COMMD10: variants seen among roughly 807,000 people sequenced by gnomAD.
COMMD10 encodes the protein COMM domain-containing protein 10.
In COMMD10, 33 loss-of-function variants were observed where a neutral mutation model predicts 28.9. That is an observed-to-expected ratio of 1.14 (90% CI 0.87 to 1.53). The LOEUF (loss-of-function observed/expected upper bound fraction) is 1.53, where lower values mean the gene tolerates loss of function less well. Ranked by LOEUF, COMMD10 falls within the 40% of genes most tolerant of loss-of-function variation. The pLI, the probability that COMMD10 is intolerant of heterozygous loss-of-function variation, is 0.00. For missense variants in COMMD10, 310 were observed against 233.4 expected (o/e 1.33, Z -2.14); for synonymous variants, 110 against 81.7 (o/e 1.35, Z -1.87).
chr5:116,268,090 T>A (rs1397947444), intron 5 of COMMD10, among the ~76,000 whole-genome samples: 2 of 151,742 alleles, frequency 1.3e-5, no homozygotes, highest in African/African-American at 4.9e-5. Flanking sequence ...AAAGCCAAAA[T>A]TGACAAATGG....
In COMMD10 at chr5:116,259,630, T is replaced by A. The variant is rs1484244341; in HGVS notation, c.511-31887T>A. Among the ~76,000 whole-genome samples, 3 of 151,748 alleles carry A rather than the reference T, an allele frequency of 2.0e-5. No individual in the cohort carries two copies. In the East Asian group the frequency reaches 5.8e-4, roughly 29 times the overall value. ...TTTATTTCATCAGCCCAAATGAGAATCCCTTTTTACTTCTTGTACTATGTA... is the reference window on the plus strand; with the variant it reads ...TTTATTTCATCAGCCCAAATGAGAAACCCTTTTTACTTCTTGTACTATGTA... On this transcript the variant is annotated intron_variant, in intron 5 of 6. Coordinates refer to ENST00000274458, the MANE Select transcript of COMMD10 (RefSeq NM_016144.4).
At chr5:116,096,430 A>G (rs539355379) in intron 4 of COMMD10, among the ~76,000 whole-genome samples, 1 of 151,852 alleles carries the variant, frequency 6.6e-6, no homozygotes, top group African/African-American at 2.4e-5. Flanking sequence ...AGACTTTTCT[A>G]TACTGATCTC....
chr5:116,143,225 A>G (rs1280680274), intron 5 of COMMD10, among the ~76,000 whole-genome samples: 1 of 151,494 alleles, frequency 6.6e-6, no homozygotes, highest in Non-Finnish European at 1.5e-5. Flanking sequence ...AGATTTTTTC[A>G]TATTTCAGGC....
intron 5 of COMMD10, among the ~76,000 whole-genome samples, chr5:116,157,854 T>G (rs916037441): frequency 6.6e-6 from 1 of 152,194 alleles, no homozygotes; most frequent in Non-Finnish European, 1.5e-5. Flanking sequence ...GTAACAGTCT[T>G]TTTAGTTTTA....
In COMMD10 at chr5:116,085,497, C is replaced by T. The variant is rs74972517; in HGVS notation, c.41+404C>T. On this transcript the variant is annotated intron_variant, in intron 1 of 6. Coordinates refer to ENST00000274458, the MANE Select transcript of COMMD10 (RefSeq NM_016144.4). ...CAGACACTCTGGTGGGAAAGGCTCA[C>T]GCTGCTGCTGGAGGGTCTTTAATAG... 2.7e-3 allele frequency: 576 copies of T among 210,832 alleles called. 2 individuals are homozygous for T. The highest frequency in any genetic ancestry group is 3.8e-3 in the Non-Finnish European group (406 of 105,888). 13.1% of individuals were successfully genotyped at this position (210,832 alleles called of 1,614,324 possible).
chr5:116,142,405 T>G (rs954357097), intron 5 of COMMD10, among the ~76,000 whole-genome samples: 1 of 151,798 alleles, frequency 6.6e-6, no homozygotes, highest in Non-Finnish European at 1.5e-5. Context: ...CTTTATGCAT[T>G]ATGAATGAAT....
At chr5:116,103,267 C>A (rs1462704312) in intron 4 of COMMD10, among the ~76,000 whole-genome samples, 2 of 152,208 alleles carry the variant, frequency 1.3e-5, no homozygotes, top group Non-Finnish European at 1.5e-5. Context: ...AATGGTTGAA[C>A]TAATTTACAC....
At chr5:116,131,230 T>G (rs1312515007) in intron 4 of COMMD10, among the ~76,000 whole-genome samples, 1 of 152,024 alleles carries the variant, frequency 6.6e-6, no homozygotes, top group African/African-American at 2.4e-5. Context: ...TGTAACTTGC[T>G]TAAGGTCAAT....
chr5:116,180,479 G>A (rs10076548), intron 5 of COMMD10, among the ~76,000 whole-genome samples: 47,389 of 151,602 alleles, frequency 0.31, 10,212 homozygotes, highest in African/African-American at 0.62. Flanking sequence ...TTAGTGTTGG[G>A]ATAATGGATT....
At chr5:116,276,274 T>C (rs1750909813) in intron 5 of COMMD10, among the ~76,000 whole-genome samples, 2 of 151,708 alleles carry the variant, frequency 1.3e-5, no homozygotes, top group Admixed American at 6.6e-5. Context: ...TTTTTTGAGA[T>C]GGACTTCTGC....
chr5:116,116,869 G>T (rs942008588), intron 4 of COMMD10, among the ~76,000 whole-genome samples: 8 of 152,040 alleles, frequency 5.3e-5, no homozygotes, highest in African/African-American at 1.7e-4. Flanking sequence ...TAATTTAATT[G>T]TTCAGTCTGA....
intron 4 of COMMD10, among the ~76,000 whole-genome samples, chr5:116,122,204 A>G (rs1751457622): frequency 6.6e-6 from 1 of 152,200 alleles, no homozygotes; most frequent in Non-Finnish European, 1.5e-5. Flanking sequence ...ACATATGGCT[A>G]GCCTGTTTTC....
At chr5:116,162,288 TTTAA>T (rs1443433790) in intron 5 of COMMD10, among the ~76,000 whole-genome samples, 2 of 152,102 alleles carry the variant, frequency 1.3e-5, no homozygotes, top group African/African-American at 4.8e-5. Context: ...GTAATGACTG[TTTAA>T]TAAGACTGCA....
chr5:116,265,082 T>A (rs1206658721), intron 5 of COMMD10, among the ~76,000 whole-genome samples: 1 of 151,844 alleles, frequency 6.6e-6, no homozygotes, highest in Non-Finnish European at 1.5e-5. Flanking sequence ...ACATTTTGTC[T>A]GCTTCGCAAA....
At chr5:116,147,001 A>G (rs1752371466) in intron 5 of COMMD10, among the ~76,000 whole-genome samples, 1 of 151,912 alleles carries the variant, frequency 6.6e-6, no homozygotes, top group Non-Finnish European at 1.5e-5. Context: ...GGATTTAATC[A>G]GATCCTCGAG....
At chr5:116,183,203 A>G (rs1324240388) in intron 5 of COMMD10, among the ~76,000 whole-genome samples, 12 of 152,152 alleles carry the variant, frequency 7.9e-5, no homozygotes, top group Non-Finnish European at 5.9e-5. Flanking sequence ...TGGGCATATA[A>G]TATCTAACAT....
intron 4 of COMMD10, among the ~76,000 whole-genome samples, chr5:116,129,106 A>G (rs1461412306): frequency 2.0e-5 from 3 of 151,808 alleles, no homozygotes; most frequent in Non-Finnish European, 2.9e-5. Flanking sequence ...TTCAGTATCT[A>G]CTGATGATTC....
intron 6 of COMMD10, 102 bp from the exon 7 acceptor site, chr5:116,292,349 A>T (rs921916351): frequency 1.8e-5 from 10 of 569,982 alleles, no homozygotes; most frequent in Middle Eastern, 3.3e-4. Context: ...CATAGTTACC[A>T]GTGCTATTTT....
intron 5 of COMMD10, among the ~76,000 whole-genome samples, chr5:116,204,620 C>G (rs1242504005): frequency 6.6e-6 from 1 of 152,052 alleles, no homozygotes; most frequent in Non-Finnish European, 1.5e-5. Flanking sequence ...TTTGAATTTA[C>G]AGAATATGTT....
Sources: allele counts gnomAD v4.1 joint callset (sites outside exome capture counted in the v4.1 genomes callset), GRCh38; gene constraint gnomAD v4.1.1; transcripts MANE v1.5; gene names NCBI Gene and HGNC (gene_info 2026-07-23, HGNC 2026-07-21).